The following LMNTD1 variants were observed in gnomAD, a reference collection of about 807,000 sequenced individuals.
The protein encoded by LMNTD1 is lamin tail domain containing 1, also known as lamin tail domain-containing protein 1.
In LMNTD1, 35 loss-of-function variants were observed where a neutral mutation model predicts 50.9. The observed-to-expected ratio is 0.69, with a 90% CI of 0.53 to 0.91. LMNTD1 has a LOEUF of 0.91. Ranked by LOEUF, LMNTD1 falls within the 40% of genes least tolerant of loss-of-function variation. LMNTD1 has a pLI of 0.00. For missense variants in LMNTD1, 470 were observed against 475.5 expected (o/e 0.99, Z 0.11); for synonymous variants, 153 against 161.9 (o/e 0.94, Z 0.42).
chr12:25,616,647 C>A (rs1016873047), intron 1 of LMNTD1, among the ~76,000 whole-genome samples: 3 of 151,988 alleles, frequency 2.0e-5, no homozygotes, highest in Admixed American at 6.6e-5. Flanking sequence ...TGAGATGTTA[C>A]CATTGGGGAA....
At chr12:25,508,813 C>T (rs914349009) in intron 8 of LMNTD1, among the ~76,000 whole-genome samples, 3 of 152,110 alleles carry the variant, frequency 2.0e-5, no homozygotes, top group Non-Finnish European at 4.4e-5. Flanking sequence ...CCTACTTCAC[C>T]GTTAAGTATG....
chr12:25,504,205 T>C (rs1939572960), intron 8 of LMNTD1, among the ~76,000 whole-genome samples: 1 of 152,156 alleles, frequency 6.6e-6, no homozygotes, highest in African/African-American at 2.4e-5. Flanking sequence ...TTTCTATATG[T>C]AGAACTGCCA....
At chr12:25,531,680 T>A (rs1942236854) in intron 4 of LMNTD1, among the ~76,000 whole-genome samples, 1 of 152,226 alleles carries the variant, frequency 6.6e-6, no homozygotes, top group Non-Finnish European at 1.5e-5. Context: ...TGGCTTGATG[T>A]CTTTCATTAG....
intron 1 of LMNTD1, among the ~76,000 whole-genome samples, chr12:25,579,426 G>A (rs1444964310): frequency 2.0e-5 from 3 of 152,096 alleles, no homozygotes; most frequent in Non-Finnish European, 4.4e-5. Flanking sequence ...TTTTATATCA[G>A]GGACTTTAGC....
At chr12:25,489,501 G>A (rs1938810358) in intron 9 of LMNTD1, among the ~76,000 whole-genome samples, 1 of 139,658 alleles carries the variant, frequency 7.2e-6, no homozygotes, top group Non-Finnish European at 1.6e-5. Context: ...CACGGTGCGC[G>A]CACCCGCTGA....
rs774589320 is a variant in LMNTD1 at position 25,518,920 on chromosome 12, C to T, written c.1064G>A (p.Cys355Tyr). ...PTVFPNRSPW[C>Y]QNPYVSAHPY... is the part of the protein sequence containing the mutation. ...ATGTGCAGAGACATAGGGATTCTGG[C>T]ACCAAGGGCTGCGATTAGGGAAAAC... Residue 355 changes from cysteine to tyrosine, a missense_variant, in exon 8 of 10, where the codon TGC (cysteine) becomes TAC (tyrosine). Transcript: ENST00000458174. The T allele has an allele frequency of 6.2e-7, 1 of 1,614,050 alleles. No homozygotes were observed. Among genetic ancestry groups the T allele is most frequent in the East Asian group, 2.2e-5 (1 of 44,880 alleles).
At chr12:25,593,973 G>C (rs1945777620) in intron 1 of LMNTD1, among the ~76,000 whole-genome samples, 2 of 152,134 alleles carry the variant, frequency 1.3e-5, no homozygotes, top group African/African-American at 4.8e-5. Flanking sequence ...AAGAACTTCA[G>C]AGCTCGAAGA....
At chr12:25,606,584 G>A (rs1454180320) in intron 1 of LMNTD1, among the ~76,000 whole-genome samples, 4 of 152,158 alleles carry the variant, frequency 2.6e-5, no homozygotes, top group African/African-American at 9.7e-5. Context: ...CATCTATTGA[G>A]ATAATCATGT....
intron 1 of LMNTD1, among the ~76,000 whole-genome samples, chr12:25,617,253 T>C (rs1189865101): frequency 6.6e-6 from 1 of 152,224 alleles, no homozygotes; most frequent in African/African-American, 2.4e-5. Flanking sequence ...TTTATGTTTA[T>C]TCACTTTAGT....
intron 9 of LMNTD1, among the ~76,000 whole-genome samples, chr12:25,502,545 G>C (rs1345463142): frequency 6.6e-6 from 1 of 152,198 alleles, no homozygotes; most frequent in Non-Finnish European, 1.5e-5. Context: ...CTTGGGATTA[G>C]TTCTGGCTTT....
chr12:25,568,285 C>T (rs566378721), intron 1 of LMNTD1, among the ~76,000 whole-genome samples: 33 of 152,308 alleles, frequency 2.2e-4, no homozygotes, highest in Admixed American at 5.9e-4. Context: ...AGTAGCAAAA[C>T]GGTCAATATG....
At chr12:25,527,711 C>T (rs768445862) in intron 4 of LMNTD1, among the ~76,000 whole-genome samples, 19,544 of 125,282 alleles carry the variant, frequency 0.16, 2,328 homozygotes, top group East Asian at 0.25. Context: ...CACACACACA[C>T]ACACACACAT....
chr12:25,626,206 A>C (rs1946585255), intron 1 of LMNTD1, among the ~76,000 whole-genome samples: 1 of 152,180 alleles, frequency 6.6e-6, no homozygotes, highest in Non-Finnish European at 1.5e-5. Flanking sequence ...CTTTTTAAAA[A>C]ATTTAATGAA....
chr12:25,522,787 AAGGTCCAT>A (rs146591494), intron 6 of LMNTD1, among the ~76,000 whole-genome samples: 2,986 of 152,294 alleles, frequency 0.02, 114 homozygotes, highest in African/African-American at 0.068. Flanking sequence ...CCCTGCTTTA[AAGGTCCAT>A]AGACTCATGG....
At chr12:25,533,016 C>A (rs1942329053) in intron 4 of LMNTD1, among the ~76,000 whole-genome samples, 1 of 152,110 alleles carries the variant, frequency 6.6e-6, no homozygotes, top group Admixed American at 6.5e-5. Flanking sequence ...TTTACAGTTG[C>A]TTTTCAAAAA....
At chr12:25,489,200 G>C (rs1417606618) in intron 9 of LMNTD1, among the ~76,000 whole-genome samples, 42 of 151,772 alleles carry the variant, frequency 2.8e-4, no homozygotes, top group Non-Finnish European at 5.2e-4. Flanking sequence ...AGCAAGCCTG[G>C]GCAATGGCGG....
At chr12:25,577,909 G>A (rs1329587761) in intron 1 of LMNTD1, among the ~76,000 whole-genome samples, 1 of 152,100 alleles carries the variant, frequency 6.6e-6, no homozygotes, top group Non-Finnish European at 1.5e-5. Context: ...GCCCATGGTG[G>A]GAGCATATAT....
intron 8 of LMNTD1, among the ~76,000 whole-genome samples, chr12:25,510,241 GT>G (rs551737896): frequency 7.0e-4 from 99 of 142,424 alleles, no homozygotes; most frequent in Middle Eastern, 7.2e-3. Context: ...AATCCTTCCA[GT>G]TTTTTTTTTT....
At chr12:25,597,067 C>T (rs954949667) in intron 1 of LMNTD1, among the ~76,000 whole-genome samples, 9 of 151,514 alleles carry the variant, frequency 5.9e-5, no homozygotes, top group East Asian at 3.9e-4. Context: ...AATGGATACA[C>T]GAAAAATAAA....
Sources: gnomAD v4.1 joint callset for allele counts (sites outside exome capture counted in the v4.1 genomes callset) on GRCh38, gnomAD v4.1.1 for gene constraint, MANE v1.5 for transcripts, NCBI Gene and HGNC (gene_info 2026-07-23, HGNC 2026-07-21) for gene names.